Variants in NFIC observed in about 807,000 individuals in gnomAD.
NFIC encodes the protein nuclear factor I C, also known as nuclear factor 1 C-type.
A neutral mutation model predicts 54.4 loss-of-function variants in NFIC; 12 were observed. The ratio of observed to expected loss-of-function variants is 0.22; its 90% CI spans 0.14 to 0.36. NFIC has a LOEUF of 0.36. Among genes scored for constraint, NFIC ranks in the 10% least tolerant of loss-of-function variants. The probability of loss-of-function intolerance (pLI) is 1.00; values close to 1 mark genes in which losing one functional copy is unlikely to be tolerated. For missense variants in NFIC, 575 were observed against 718.2 expected (o/e 0.80, Z 2.28); for synonymous variants, 322 against 319.2 (o/e 1.01, Z -0.09).
At chr19:3,429,540 A>G (rs2082088796) in intron 3 of NFIC, among the ~76,000 whole-genome samples, 1 of 152,144 alleles carries the variant, frequency 6.6e-6, no homozygotes, top group African/African-American at 2.4e-5. Context: ...GCAGTGAGCT[A>G]TGATTGCACC....
In NFIC at chr19:3,429,251, T is replaced by TACAC. The variant is rs1223236383; in HGVS notation, c.634+4075_634+4076insCACA. Among the ~76,000 whole-genome samples the TACAC allele has an allele frequency of 2.2e-3, 60 of 27,586 alleles. 7 individuals are homozygous for TACAC. Among genetic ancestry groups the TACAC allele is most frequent in the East Asian group, 5.1e-3 (3 of 590 alleles). The allele number at this position is 27,586 out of a possible 152,430, so 18.1% of individuals were successfully genotyped here. The stretch of plus-strand genomic sequence containing the variant: ...TACCCCAAAAAAAAAAAAAAAAATA[T>TACAC]ATACACACACACACACACACACACA... On this transcript the variant is annotated intron_variant, in intron 3 of 10. Transcript: ENST00000443272.
chr19:3,447,194 G>A (rs2082385562), intron 6 of NFIC, among the ~76,000 whole-genome samples: 2 of 151,936 alleles, frequency 1.3e-5, no homozygotes, highest in Admixed American at 1.3e-4. Flanking sequence ...AGCTACTCGG[G>A]AGGCTGAGGC....
intron 2 of NFIC, among the ~76,000 whole-genome samples, chr19:3,420,983 A>G (rs2081945582): frequency 6.6e-6 from 1 of 152,164 alleles, no homozygotes; most frequent in Non-Finnish European, 1.5e-5. Flanking sequence ...TTGGCCTCCC[A>G]TAGTGCTGGG....
intron 1 of NFIC, among the ~76,000 whole-genome samples, chr19:3,372,177 C>T (rs140623769): frequency 1.6e-4 from 24 of 152,132 alleles, no homozygotes; most frequent in African/African-American, 5.1e-4. Context: ...CGTGCCACCA[C>T]GCCTGGCTAA....
intron 2 of NFIC, among the ~76,000 whole-genome samples, chr19:3,394,295 ATACTAAGACCTTGTCTC>A (rs2081422441): frequency 6.6e-6 from 1 of 151,650 alleles, no homozygotes. Flanking sequence ...CCTGGCCAAC[ATACTAAGACCTTGTCTC>A]TACAAAAAAA....
At chr19:3,408,523 C>T (rs149128115) in intron 2 of NFIC, among the ~76,000 whole-genome samples, 1 of 152,282 alleles carries the variant, frequency 6.6e-6, no homozygotes, top group African/African-American at 2.4e-5. Flanking sequence ...CTCATCGCAG[C>T]CTCAAACTCC....
At chr19:3,389,194 C>G (rs972606737) in intron 2 of NFIC, among the ~76,000 whole-genome samples, 1 of 152,082 alleles carries the variant, frequency 6.6e-6, no homozygotes, top group Non-Finnish European at 1.5e-5. Context: ...GGAAGGGGAC[C>G]AAGCCTGGGG....
chr19:3,463,900 TCCTCCC>T lies in NFIC; in HGVS notation c.*1139_*1144del. 3.4e-6 allele frequency: 3 copies of T among 879,612 alleles called. No homozygotes were observed. Among genetic ancestry groups the T allele is most frequent in the Non-Finnish European group, 4.0e-6 (3 of 757,882 alleles). The allele number at this position is 879,612 out of a possible 1,614,324, so 54.5% of individuals were successfully genotyped here. ...CTGGGACACGGAATGGCCGCGGGCCTCCTCCCCCTCCCCTCCAGCCTCTCCACCAGC... is the reference window on the plus strand; with the variant it reads ...CTGGGACACGGAATGGCCGCGGGCCTCCTCCCCTCCAGCCTCTCCACCAGC... On this transcript the variant is annotated 3_prime_UTR_variant, in exon 11 of 11. Transcript: ENST00000443272.
intron 2 of NFIC, among the ~76,000 whole-genome samples, chr19:3,398,641 C>T (rs1380099063): frequency 6.6e-6 from 1 of 152,186 alleles, no homozygotes. Context: ...CGGACCCGGG[C>T]TGTACCCTGT....
chr19:3,429,253 T>A (rs74178427), intron 3 of NFIC, among the ~76,000 whole-genome samples: 8,331 of 50,466 alleles, frequency 0.17, 1,889 homozygotes, highest in East Asian at 0.4. Flanking sequence ...AAAAAATATA[T>A]ACACACACAC....
upstream of NFIC, among the ~76,000 whole-genome samples, chr19:3,362,946 A>G (rs994953946): frequency 1.3e-5 from 2 of 151,970 alleles, no homozygotes; most frequent in Non-Finnish European, 2.9e-5. Flanking sequence ...TGCTCTGTGA[A>G]TTGCATTCAA....
At chr19:3,360,756 T>C (rs1451122873) in intron 1 of NFIC, among the ~76,000 whole-genome samples, 7 of 152,232 alleles carry the variant, frequency 4.6e-5, no homozygotes. Context: ...CGGGACGGTG[T>C]TGTGAAACTA....
At chr19:3,394,260 C>T (rs1334442409) in intron 2 of NFIC, among the ~76,000 whole-genome samples, 1 of 152,038 alleles carries the variant, frequency 6.6e-6, no homozygotes, top group Non-Finnish European at 1.5e-5. Context: ...GGGAGGATCA[C>T]TTGAGGTCAG....
Position 3,412,145 on chromosome 19 carries a change from C to T in NFIC, c.563-12961C>T, listed in dbSNP as rs183823090. On this transcript the variant is annotated intron_variant, in intron 2 of 10. Coordinates refer to ENST00000443272, the MANE Select transcript of NFIC (RefSeq NM_001245002.2). Reference sequence around the variant, plus strand: ...TCACCCAGGCTGGAATGCAGTGGTGCGATCATAGCTCACTGCAGCCTGGAG... The same window carrying T: ...TCACCCAGGCTGGAATGCAGTGGTGTGATCATAGCTCACTGCAGCCTGGAG... Among the ~76,000 whole-genome samples, 52 of 152,088 alleles carry T rather than the reference C, an allele frequency of 3.4e-4. No homozygotes were observed. The East Asian group carries it at 8.7e-3, about 25-fold the overall frequency.
At chr19:3,423,772 C>T (rs943377417) in intron 2 of NFIC, among the ~76,000 whole-genome samples, 10 of 152,080 alleles carry the variant, frequency 6.6e-5, no homozygotes, top group Admixed American at 1.3e-4. Context: ...GCAGTGGGGT[C>T]GTCGCCATCA....
At chr19:3,456,897 C>T in intron 10 of NFIC, 1 of 533,266 alleles carries the variant, frequency 1.9e-6, no homozygotes, top group South Asian at 2.0e-5. Context: ...TGGAGACCAT[C>T]GTGGTACAGC....
At chr19:3,397,345 T>C (rs940529259) in intron 2 of NFIC, among the ~76,000 whole-genome samples, 1 of 152,222 alleles carries the variant, frequency 6.6e-6, no homozygotes, top group Non-Finnish European at 1.5e-5. Flanking sequence ...GGGACTGCCC[T>C]GGAACGTTCC....
chr19:3,429,253 T>TACACACAC (rs57948823), intron 3 of NFIC, among the ~76,000 whole-genome samples: 4,231 of 50,502 alleles, frequency 0.084, 539 homozygotes, highest in Non-Finnish European at 0.1. Context: ...AAAAAATATA[T>TACACACAC]ACACACACAC....
rs539147664 is a variant in NFIC at position 3,378,533 on chromosome 19, C to T, written c.31-3179C>T. Among the ~76,000 whole-genome samples, 165 of 152,336 alleles carry T rather than the reference C, an allele frequency of 1.1e-3. 1 individual carries two copies. Among genetic ancestry groups the T allele is most frequent in the African/African-American group, 3.6e-3 (148 of 41,586 alleles). On this transcript the variant is annotated intron_variant, in intron 1 of 10. Coordinates refer to ENST00000443272, the MANE Select transcript of NFIC (RefSeq NM_001245002.2). ...CTCTTCAAGGGGCTGCTGTTATTTT[C>T]GTGGGGAAGTCAGATGAGTGCAGGT...
Sources: allele counts gnomAD v4.1 joint callset (sites outside exome capture counted in the v4.1 genomes callset), GRCh38; gene constraint gnomAD v4.1.1; transcripts MANE v1.5; gene names NCBI Gene and HGNC (gene_info 2026-07-23, HGNC 2026-07-21).